SLC25A48: variants seen among roughly 807,000 people sequenced by gnomAD.
The protein encoded by SLC25A48 is solute carrier family 25 member 48, also known as CTC-321K16.1.
SLC25A48 carries 29 observed loss-of-function variants against 32.2 expected under a neutral mutation model. The observed-to-expected ratio is 0.90, with a 90% CI of 0.67 to 1.23. The LOEUF (loss-of-function observed/expected upper bound fraction) is 1.23, where lower values mean the gene tolerates loss of function less well. SLC25A48 is among the 50% of genes most tolerant of loss of function. The pLI is 0.00. For missense variants in SLC25A48, 399 were observed against 422.7 expected, an observed-to-expected ratio of 0.94 and a Z score of 0.49; for synonymous variants, 164 against 172.3, an observed-to-expected ratio of 0.95 and a Z score of 0.38.
At chr5:135,775,015 A>T (rs986448451) in intron 3 of SLC25A48, among the ~76,000 whole-genome samples, 2 of 151,718 alleles carry the variant, frequency 1.3e-5, no homozygotes, top group African/African-American at 4.8e-5. Context: ...GGTGACAATG[A>T]TATTACTGTC....
chr5:135,881,794 C>A (rs1432381442), intron 7 of SLC25A48, among the ~76,000 whole-genome samples: 2 of 152,172 alleles, frequency 1.3e-5, no homozygotes, highest in Non-Finnish European at 2.9e-5. Flanking sequence ...TGTTGTTATT[C>A]TTCCAAGTAT....
At position 135,797,928 on chromosome 5, in the gene SLC25A48, A is replaced by G. The variant is rs545857590; in HGVS notation, c.-520-14595A>G. On this transcript the variant is annotated intron_variant, in intron 3 of 10. Transcript: ENST00000646290. ...GAGAAAGAGGATGATATTACTCCCA[A>G]TACCGCATGGGGTGTACACCCCCTC... Among the ~76,000 whole-genome samples the G allele has an allele frequency of 7.6e-4, 116 of 152,018 alleles. 1 individual carries two copies. The South Asian group carries it at 0.022, about 29-fold the overall frequency.
intron 3 of SLC25A48, among the ~76,000 whole-genome samples, chr5:135,786,213 C>CT (rs548587823): frequency 3.7e-4 from 56 of 152,102 alleles, no homozygotes; most frequent in African/African-American, 1.3e-3. Context: ...TAAAACCCTC[C>CT]TTGCACCATG....
intron 3 of SLC25A48, among the ~76,000 whole-genome samples, chr5:135,655,958 A>G (rs1009728971): frequency 6.6e-6 from 1 of 152,130 alleles, no homozygotes; most frequent in Non-Finnish European, 1.5e-5. Context: ...CCCCACTGAC[A>G]TGCATGATTG....
intron 3 of SLC25A48, among the ~76,000 whole-genome samples, chr5:135,696,854 C>T (rs1754278181): frequency 6.6e-6 from 1 of 152,142 alleles, no homozygotes; most frequent in African/African-American, 2.4e-5. Context: ...CACAGGGGAG[C>T]TGGGTATGAA....
At chr5:135,671,572 G>C (rs992776294) in intron 3 of SLC25A48, 1 of 152,148 alleles carries the variant, frequency 6.6e-6, no homozygotes, top group Non-Finnish European at 1.5e-5. Flanking sequence ...TCAACCAGCC[G>C]AGGGTCGCTG....
chr5:135,760,618 T>G (rs1756039893), intron 3 of SLC25A48, among the ~76,000 whole-genome samples: 1 of 152,192 alleles, frequency 6.6e-6, no homozygotes, highest in Non-Finnish European at 1.5e-5. Context: ...TGGAGTGATC[T>G]GGGAAGTTGA....
chr5:135,672,675 C>T (rs571547347), intron 3 of SLC25A48, among the ~76,000 whole-genome samples: 33 of 152,140 alleles, frequency 2.2e-4, no homozygotes, highest in African/African-American at 7.7e-4. Context: ...CTGTTTTTTT[C>T]GTAGTTTTTG....
intron 3 of SLC25A48, among the ~76,000 whole-genome samples, chr5:135,665,821 G>A (rs78767283): frequency 0.034 from 5,125 of 150,470 alleles, 297 homozygotes; most frequent in African/African-American, 0.12. Context: ...CTGAGCTTCC[G>A]TGAGGCCTCT....
chr5:135,677,647 A>G (rs1168897509), intron 3 of SLC25A48, among the ~76,000 whole-genome samples: 1 of 152,116 alleles, frequency 6.6e-6, no homozygotes, highest in Non-Finnish European at 1.5e-5. Flanking sequence ...TCAAGATGGT[A>G]TATGTCACCC....
intron 3 of SLC25A48, among the ~76,000 whole-genome samples, chr5:135,646,659 T>TTATATATATATA (rs34299516): frequency 0.016 from 1,949 of 125,332 alleles, 101 homozygotes; most frequent in East Asian, 0.068. Context: ...TAATTTCCCA[T>TTATATATATATA]TATATATATA....
At chr5:135,686,912 A>G (rs1754031967) in intron 3 of SLC25A48, among the ~76,000 whole-genome samples, 1 of 152,080 alleles carries the variant, frequency 6.6e-6, no homozygotes, top group Non-Finnish European at 1.5e-5. Context: ...TCTGAAGGCT[A>G]TGACTTGCTA....
chr5:135,779,164 T>G (rs915801203), intron 3 of SLC25A48, among the ~76,000 whole-genome samples: 1 of 151,966 alleles, frequency 6.6e-6, no homozygotes, highest in African/African-American at 2.4e-5. Flanking sequence ...GTGATATTGT[T>G]CCTAATATCC....
chr5:135,660,127 G>T (rs1397438397), intron 3 of SLC25A48, among the ~76,000 whole-genome samples: 2 of 152,186 alleles, frequency 1.3e-5, no homozygotes, highest in Non-Finnish European at 2.9e-5. Flanking sequence ...GGAATTTTCA[G>T]CTGTGGAGGC....
chr5:135,650,088 A>G lies in SLC25A48; in HGVS notation c.-521+15132A>G, dbSNP rs116021042. ...ATTCATATTCTTCAAAAATATTCTT[A>G]TATTTCCTGCAGTCTCATTTCTTTA... On this transcript the variant is annotated intron_variant, in intron 3 of 10. Coordinates refer to the SLC25A48 transcript ENST00000646290. 1.9e-3 allele frequency: 350 copies of G among 184,034 alleles called. 1 individual carries two copies. The highest frequency in any genetic ancestry group is 7.4e-3 in the African/African-American group (310 of 41,726). 11.4% of individuals were successfully genotyped at this position (184,034 alleles called of 1,614,324 possible).
chr5:135,722,184 A>G (rs1370644838), intron 3 of SLC25A48, among the ~76,000 whole-genome samples: 1 of 152,250 alleles, frequency 6.6e-6, no homozygotes, highest in Non-Finnish European at 1.5e-5. Flanking sequence ...CTGAGCAGCC[A>G]TGGGTCAGGA....
chr5:135,842,487 C>G, intron 2 of SLC25A48, 28 bp downstream of exon 2: 2 of 1,608,822 alleles, frequency 1.2e-6, no homozygotes, highest in Non-Finnish European at 1.7e-6. Flanking sequence ...CCCATTACCT[C>G]TTAAAAAGAG....
At chr5:135,801,512 T>A (rs1162626198) in intron 3 of SLC25A48, among the ~76,000 whole-genome samples, 1 of 151,242 alleles carries the variant, frequency 6.6e-6, no homozygotes, top group East Asian at 1.9e-4. Context: ...GTGATGTTGT[T>A]AATAATATTC....
chr5:135,796,742 C>T (rs73789186), intron 3 of SLC25A48, among the ~76,000 whole-genome samples: 4 of 151,356 alleles, frequency 2.6e-5, no homozygotes, highest in African/African-American at 4.9e-5. Flanking sequence ...CATAGTATTG[C>T]GGGGTGTGTA....
Sources: gnomAD v4.1 joint callset for allele counts (sites outside exome capture counted in the v4.1 genomes callset) on GRCh38, gnomAD v4.1.1 for gene constraint, MANE v1.5 for transcripts, NCBI Gene and HGNC (gene_info 2026-07-23, HGNC 2026-07-21) for gene names.